BMPR1B: variants seen among roughly 807,000 people sequenced by gnomAD.
BMPR1B encodes the protein bone morphogenetic protein receptor type 1B, also known as bone morphogenetic protein receptor type-1B.
A neutral mutation model predicts 59.1 loss-of-function variants in BMPR1B; 12 were observed. That is an observed-to-expected ratio of 0.20 (90% CI 0.13 to 0.33). The LOEUF (loss-of-function observed/expected upper bound fraction) is 0.33, where lower values mean the gene tolerates loss of function less well. BMPR1B is among the 10% of genes least tolerant of loss of function. BMPR1B has a pLI of 1.00. For synonymous variants in BMPR1B, 237 were observed against 207.3 expected, an observed-to-expected ratio of 1.14 and a Z score of -1.23; for missense variants, 550 against 610.9, an observed-to-expected ratio of 0.90 and a Z score of 1.05.
At chr4:95,133,430 G>C (rs1733528300) in intron 10 of BMPR1B, among the ~76,000 whole-genome samples, 1 of 151,998 alleles carries the variant, frequency 6.6e-6, no homozygotes, top group Non-Finnish European at 1.5e-5. Flanking sequence ...CTTACCTTTG[G>C]CAAGATTTAT....
intron 2 of BMPR1B, among the ~76,000 whole-genome samples, chr4:94,935,895 TG>T (rs1729276270): frequency 6.6e-6 from 1 of 152,242 alleles, no homozygotes; most frequent in Non-Finnish European, 1.5e-5. Flanking sequence ...AAAGTTATGT[TG>T]CCTCTAACAG....
intron 3 of BMPR1B, among the ~76,000 whole-genome samples, chr4:95,097,243 A>G (rs1730496856): frequency 6.6e-6 from 1 of 150,978 alleles, no homozygotes; most frequent in Non-Finnish European, 1.5e-5. Flanking sequence ...AGAGGGAAGA[A>G]GAGAGAAGAG....
intron 2 of BMPR1B, among the ~76,000 whole-genome samples, chr4:94,895,946 C>T (rs560539157): frequency 6.7e-4 from 102 of 151,892 alleles, no homozygotes; most frequent in South Asian, 2.1e-3. Context: ...ATTCTTCTGG[C>T]GACACAAATA....
intron 10 of BMPR1B, among the ~76,000 whole-genome samples, chr4:95,133,136 T>C (rs1455762370): frequency 6.6e-6 from 1 of 152,234 alleles, no homozygotes; most frequent in Non-Finnish European, 1.5e-5. Flanking sequence ...GAATTTTCTT[T>C]CCACAATATT....
At chr4:94,969,582 A>C (rs1189318115) in intron 2 of BMPR1B, among the ~76,000 whole-genome samples, 1 of 152,146 alleles carries the variant, frequency 6.6e-6, no homozygotes, top group Non-Finnish European at 1.5e-5. Context: ...TATTTTAAGG[A>C]TTTGAGGATT....
chr4:94,852,640 A>G (rs1247440221), intron 1 of BMPR1B, among the ~76,000 whole-genome samples: 2 of 152,044 alleles, frequency 1.3e-5, no homozygotes, highest in African/African-American at 2.4e-5. Flanking sequence ...TCTTCTTGTA[A>G]TGGCAAGCAC....
chr4:95,144,362 A>T (rs1219263700), intron 10 of BMPR1B, among the ~76,000 whole-genome samples: 1 of 151,978 alleles, frequency 6.6e-6, no homozygotes, highest in Non-Finnish European at 1.5e-5. Flanking sequence ...TTTAGTAGAG[A>T]CGGGGTTTTA....
chr4:94,867,513 A>G (rs1173318559), intron 1 of BMPR1B, among the ~76,000 whole-genome samples: 2 of 151,986 alleles, frequency 1.3e-5, no homozygotes, highest in African/African-American at 4.8e-5. Context: ...TATTCCTCCT[A>G]CATCTTAGGG....
At chr4:94,760,536 C>A (rs1213754292) in intron 1 of BMPR1B, among the ~76,000 whole-genome samples, 2 of 152,170 alleles carry the variant, frequency 1.3e-5, no homozygotes, top group Non-Finnish European at 2.9e-5. Flanking sequence ...GCACTCAAAT[C>A]GTATTTATCA....
At chr4:95,028,193 C>A (rs1724559364) in intron 3 of BMPR1B, among the ~76,000 whole-genome samples, 1 of 152,136 alleles carries the variant, frequency 6.6e-6, no homozygotes, top group Non-Finnish European at 1.5e-5. Context: ...AATGCCAACA[C>A]CTTTTTCTAT....
chr4:94,928,066 A>G (rs1418065038), intron 2 of BMPR1B, among the ~76,000 whole-genome samples: 1 of 152,050 alleles, frequency 6.6e-6, no homozygotes, highest in Non-Finnish European at 1.5e-5. Context: ...AATTTGGTAA[A>G]AGTGCTTTTT....
At chr4:94,977,100 A>C (rs983517762) in intron 2 of BMPR1B, among the ~76,000 whole-genome samples, 1 of 152,158 alleles carries the variant, frequency 6.6e-6, no homozygotes, top group Non-Finnish European at 1.5e-5. Flanking sequence ...ATCAATTTAT[A>C]ATCTACCCCA....
intron 2 of BMPR1B, among the ~76,000 whole-genome samples, chr4:94,957,653 A>G (rs1488932403): frequency 6.6e-6 from 1 of 152,068 alleles, no homozygotes; most frequent in Non-Finnish European, 1.5e-5. Flanking sequence ...TCTTGTGATC[A>G]TTCATTTTTA....
chr4:95,143,911 A>G (rs1046653140), intron 10 of BMPR1B, among the ~76,000 whole-genome samples: 4 of 152,112 alleles, frequency 2.6e-5, no homozygotes, highest in Admixed American at 2.6e-4. Flanking sequence ...GGCTTCCAAA[A>G]TACGAACAGC....
chr4:94,824,035 C>T (rs538972437), intron 1 of BMPR1B, among the ~76,000 whole-genome samples: 6 of 152,312 alleles, frequency 3.9e-5, no homozygotes, highest in South Asian at 2.1e-4. Context: ...CATGAGCCAC[C>T]GTGCCCAGCC....
chr4:94,899,545 G>A (rs1217760049), intron 2 of BMPR1B, among the ~76,000 whole-genome samples: 1 of 150,840 alleles, frequency 6.6e-6, no homozygotes, highest in South Asian at 2.1e-4. Flanking sequence ...AATATGAAGT[G>A]CAAATATGAA....
chr4:95,113,429 CT>C (rs1284098935), intron 4 of BMPR1B, among the ~76,000 whole-genome samples: 7 of 152,144 alleles, frequency 4.6e-5, no homozygotes, highest in Admixed American at 4.6e-4. Flanking sequence ...AACTGAAGGG[CT>C]AACATATAGC....
chr4:95,120,673 CTTTT>C (rs1732435951), intron 6 of BMPR1B, among the ~76,000 whole-genome samples: 1 of 66,232 alleles, frequency 1.5e-5, no homozygotes. Flanking sequence ...CTTCTTCTTT[CTTTT>C]CTTTTCTTTC....
At chr4:94,798,097 A>G (rs555064849) in intron 1 of BMPR1B, among the ~76,000 whole-genome samples, 6 of 152,314 alleles carry the variant, frequency 3.9e-5, no homozygotes, top group African/African-American at 1.2e-4. Context: ...TTTTAATCTT[A>G]TTTATAGATG....
Sources: gnomAD v4.1 joint callset for allele counts (sites outside exome capture counted in the v4.1 genomes callset) on GRCh38, gnomAD v4.1.1 for gene constraint, MANE v1.5 for transcripts, NCBI Gene and HGNC (gene_info 2026-07-23, HGNC 2026-07-21) for gene names.